LSM11: variants seen among roughly 807,000 people sequenced by gnomAD.
The protein encoded by LSM11 is U7 snRNA-associated Sm-like protein LSm11.
In LSM11, 14 loss-of-function variants were observed where a neutral mutation model predicts 28.1. The ratio of observed to expected loss-of-function variants is 0.50; its 90% CI spans 0.33 to 0.78. The LOEUF (loss-of-function observed/expected upper bound fraction) is 0.78. Ranked by LOEUF, LSM11 falls within the 30% of genes least tolerant of loss-of-function variation. LSM11 has a pLI of 0.02. For synonymous variants in LSM11, 207 were observed against 214.2 expected (o/e 0.97, Z 0.30); for missense variants, 495 against 510.6 (o/e 0.97, Z 0.30).
In LSM11 at chr5:157,755,015, C is replaced by A. The variant is rs755821817; in HGVS notation, c.834C>A (p.Ser278=). 6.2e-7 allele frequency: 1 copy of A among 1,614,094 alleles called. No individual in the cohort carries two copies. The highest frequency in any genetic ancestry group is 2.2e-5 in the East Asian group (1 of 44,872). ...ADTGRGSHKR[S]RSVPSSLQAS... is the part of the protein sequence containing the mutation. The stretch of plus-strand genomic sequence containing the variant: ...CTGGCCGGGGCTCACACAAGCGTTC[C>A]CGCTCTGTCCCTTCTTCCCTGCAGG... The change falls in exon 4 of 4, where the codon TCC becomes TCA. Residue 278 remains serine, a synonymous_variant. Coordinates refer to ENST00000286307, the MANE Select transcript of LSM11 (RefSeq NM_173491.4).
intron 2 of LSM11, among the ~76,000 whole-genome samples, 184 bp from the exon 3 acceptor site, chr5:157,753,820 T>G (rs1202791452): frequency 6.6e-6 from 1 of 152,196 alleles, no homozygotes; most frequent in Non-Finnish European, 1.5e-5. Flanking sequence ...GATAGCAGCT[T>G]AAAAATATTA....
In LSM11 at chr5:157,757,978, C is replaced by T. The variant is rs763310176; in HGVS notation, c.*2714C>T. The T allele has an allele frequency of 6.6e-6, 1 of 152,084 alleles. No individual in the cohort carries two copies. The highest frequency in any genetic ancestry group is 6.6e-5 in the Admixed American group (1 of 15,254). The allele number at this position is 152,084 out of a possible 1,614,324, so 9.4% of individuals were successfully genotyped here. A position where few individuals can be genotyped will look rare whatever the true frequency, so the allele number is the denominator to read the frequency against. On this transcript the variant is annotated 3_prime_UTR_variant, in exon 4 of 4. Transcript: ENST00000286307. ...AACTGTGTATGATCTATTTTATGTG[C>T]TCTATGTTCCCATTTGTTTGTTTGG...
intron 1 of LSM11, 82 bp downstream of exon 1, chr5:157,744,280 G>A (rs1337790147): frequency 1.8e-6 from 2 of 1,090,158 alleles, no homozygotes; most frequent in East Asian, 6.6e-5. Flanking sequence ...GGGCGGCGGT[G>A]GCCGGGCGCG....
intron 1 of LSM11, among the ~76,000 whole-genome samples, chr5:157,749,398 A>T (rs186967091): frequency 1.5e-4 from 23 of 152,358 alleles, no homozygotes; most frequent in African/African-American, 5.3e-4. Flanking sequence ...AGTTATTGGG[A>T]CTTAGTCCTG....
rs1396197549 is a variant in LSM11 at position 157,754,926 on chromosome 5, A to T, written c.745A>T (p.Thr249Ser). 6.2e-7 allele frequency: 1 copy of T among 1,614,166 alleles called. No individual in the cohort carries two copies. Among genetic ancestry groups the T allele is most frequent in the Non-Finnish European group, 8.5e-7 (1 of 1,180,024 alleles). ...TTCTAAGTCTGCAGTTGAAGATTCCACTCTGTCTAGATACTCACAGACATC... is the reference window on the plus strand; with the variant it reads ...TTCTAAGTCTGCAGTTGAAGATTCCTCTCTGTCTAGATACTCACAGACATC... ...ADSKSAVEDS[T>S]LSRYSQTSTW... The change falls in exon 4 of 4, where the codon ACT (threonine) becomes TCT (serine). Residue 249 changes from threonine (T) to serine (S), a missense_variant. By Grantham distance (58) the Thr-to-Ser change is moderately conservative. Transcript: ENST00000286307.
chr5:157,753,509 TG>T (rs1339213950), intron 2 of LSM11, among the ~76,000 whole-genome samples: 3 of 152,200 alleles, frequency 2.0e-5, no homozygotes, highest in African/African-American at 7.2e-5. Context: ...TGTGTAACCC[TG>T]GTTAATCTCT....
rs756907890 is a variant in LSM11, at chr5:157,743,730, C to G, written c.-21C>G. 84 of 1,329,292 alleles carry G rather than the reference C, an allele frequency of 6.3e-5. 1 individual carries two copies. The highest frequency in any genetic ancestry group is 7.9e-5 in the Non-Finnish European group (82 of 1,039,212). The allele number at this position is 1,329,292 out of a possible 1,614,324, so 82.3% of individuals were successfully genotyped here. ...CTTCGTTCCTTCTTCCCATCGGCCT[C>G]GGCTTGCGGGCCTTTCAAACATGGA... On this transcript the variant is annotated 5_prime_UTR_variant, in exon 1 of 4. Coordinates refer to ENST00000286307, the MANE Select transcript of LSM11 (RefSeq NM_173491.4).
At chr5:157,745,097 G>A (rs773654567) in intron 1 of LSM11, among the ~76,000 whole-genome samples, 3 of 152,232 alleles carry the variant, frequency 2.0e-5, no homozygotes, top group Non-Finnish European at 2.9e-5. Flanking sequence ...AGGCTCTAAT[G>A]TGTGAGTTAG....
chr5:157,760,046 A>G lies in LSM11; in HGVS notation c.*4782A>G, dbSNP rs887559343. 3 of 152,226 alleles carry G rather than the reference A, an allele frequency of 2.0e-5. No individual in the cohort carries two copies. The highest frequency in any genetic ancestry group is 4.4e-5 in the Non-Finnish European group (3 of 68,026). The allele number at this position is 152,226 out of a possible 1,614,324, so 9.4% of individuals were successfully genotyped here. A position where few individuals can be genotyped will look rare whatever the true frequency, so the allele number is the denominator to read the frequency against. On this transcript the variant is annotated 3_prime_UTR_variant, in exon 4 of 4. Transcript: ENST00000286307. Reference sequence around the variant, plus strand: ...GAGACCTTCAGTTAGTCTTTTATTTATTTAGAATAAAAAATAGTTTGATAA... The same window carrying G: ...GAGACCTTCAGTTAGTCTTTTATTTGTTTAGAATAAAAAATAGTTTGATAA...
rs1300128273 is a variant in LSM11 at position 157,759,249 on chromosome 5, T to C, written c.*3985T>C. The C allele has an allele frequency of 2.0e-5, 3 of 152,150 alleles. No individual in the cohort carries two copies. The highest frequency in any genetic ancestry group is 4.4e-5 in the Non-Finnish European group (3 of 68,036). 9.4% of individuals were successfully genotyped at this position (152,150 alleles called of 1,614,324 possible). A position where few individuals can be genotyped will look rare whatever the true frequency, so the allele number is the denominator to read the frequency against. ...AAGAGTCCAGGAGCTCCTTTAGAGA[T>C]TGTCAAGTCCTGAGCGATGAGCTGC... On this transcript the variant is annotated 3_prime_UTR_variant, in exon 4 of 4. Coordinates refer to ENST00000286307, the MANE Select transcript of LSM11 (RefSeq NM_173491.4).
intron 3 of LSM11, among the ~76,000 whole-genome samples, chr5:157,754,381 T>C (rs1761289217): frequency 6.6e-6 from 1 of 152,194 alleles, no homozygotes; most frequent in Non-Finnish European, 1.5e-5. Context: ...ATATGTATTA[T>C]GTGCATTATA....
chr5:157,751,447 T>G lies in LSM11; in HGVS notation c.506T>G (p.Val169Gly). 2 of 1,612,506 alleles carry G rather than the reference T, an allele frequency of 1.2e-6. No homozygotes were observed. The highest frequency in any genetic ancestry group is 1.7e-6 in the Non-Finnish European group (2 of 1,179,492). The change falls in exon 2 of 4, where the codon GTG becomes GGG. Residue 169 changes from valine (V) to glycine (G), a missense_variant. Physicochemically the swap from Val to Gly is moderately radical, Grantham distance 109 (BLOSUM62 -3). Transcript: ENST00000286307. Reference protein sequence around the residue: ...LHRCIREGVKVNVHIRTFKGL... With the variant: ...LHRCIREGVKGNVHIRTFKGL... ...CGCTGTATCCGTGAGGGGGTGAAGG[T>G]GAATGTTCACATCCGCACTTTCAAG... is the stretch of plus-strand genomic sequence containing the variant.
intron 1 of LSM11, among the ~76,000 whole-genome samples, chr5:157,749,606 A>ACACC (rs1554095384): frequency 2.0e-5 from 3 of 151,806 alleles, no homozygotes; most frequent in Admixed American, 6.6e-5. Context: ...ACACACACAC[A>ACACC]CCCACACACC....
Position 157,743,780 on chromosome 5 carries a change from G to T in LSM11, c.30G>T (p.Ser10=), listed in dbSNP as rs1198522938. The T allele has an allele frequency of 1.4e-6, 2 of 1,423,336 alleles. No homozygotes were observed. 88.2% of individuals were successfully genotyped at this position (1,423,336 alleles called of 1,614,324 possible). MEERERGAR[S]AGAGSPARPP... ...AGGAGCGGGAGCGGGGGGCGAGGTC[G>T]GCTGGCGCCGGGAGCCCCGCGCGCC... The change falls in exon 1 of 4, where the codon TCG becomes TCT. Residue 10 remains serine, a synonymous_variant. Coordinates refer to ENST00000286307, the MANE Select transcript of LSM11 (RefSeq NM_173491.4).
chr5:157,745,882 G>A (rs1761139200), intron 1 of LSM11, among the ~76,000 whole-genome samples: 1 of 152,196 alleles, frequency 6.6e-6, no homozygotes, highest in African/African-American at 2.4e-5. Flanking sequence ...AAACATGGGT[G>A]AGGATTGGAT....
rs921645695 is a variant in LSM11, at chr5:157,757,742, G to A, written c.*2478G>A. The stretch of plus-strand genomic sequence containing the variant: ...TGCCTGCCCTCTCATCCCTCGGCTA[G>A]AATGATGTACTCTACTTTCCCAATA... On this transcript the variant is annotated 3_prime_UTR_variant, in exon 4 of 4. Transcript: ENST00000286307. 1 of 152,210 alleles carries A rather than the reference G, an allele frequency of 6.6e-6. No homozygotes were observed. The highest frequency in any genetic ancestry group is 1.5e-5 in the Non-Finnish European group (1 of 68,048). 9.4% of individuals were successfully genotyped at this position (152,210 alleles called of 1,614,324 possible).
intron 1 of LSM11, among the ~76,000 whole-genome samples, chr5:157,746,102 G>A (rs979906717): frequency 1.3e-4 from 19 of 151,912 alleles, no homozygotes; most frequent in Non-Finnish European, 2.5e-4. Flanking sequence ...AAAAGAACTA[G>A]GTATGTTTTA....
chr5:157,756,282 A>T lies in LSM11; in HGVS notation c.*1018A>T, dbSNP rs1425971022. The T allele has an allele frequency of 6.6e-6, 1 of 152,664 alleles. No homozygotes were observed. The highest frequency in any genetic ancestry group is 1.9e-4 in the East Asian group (1 of 5,202). The allele number at this position is 152,664 out of a possible 1,614,324, so 9.5% of individuals were successfully genotyped here. A position where few individuals can be genotyped will look rare whatever the true frequency, so the allele number is the denominator to read the frequency against. On this transcript the variant is annotated 3_prime_UTR_variant, in exon 4 of 4. Coordinates refer to ENST00000286307, the MANE Select transcript of LSM11 (RefSeq NM_173491.4). The stretch of plus-strand genomic sequence containing the variant: ...GTGTCAGGCCAAAGAAGTTCTTACA[A>T]AGTACAGTGGGTAGTGTCTAAAGCG...
At chr5:157,754,686 C>T (rs1463901381) in intron 3 of LSM11, among the ~76,000 whole-genome samples, 168 bp from the exon 4 acceptor site, 11 of 106,766 alleles carry the variant, frequency 1.0e-4, no homozygotes, top group Admixed American at 3.7e-4. Flanking sequence ...AGTGAGACTC[C>T]GTCTCCAAAA....
Sources: allele counts gnomAD v4.1 joint callset (sites outside exome capture counted in the v4.1 genomes callset), GRCh38; gene constraint gnomAD v4.1.1; transcripts MANE v1.5; gene names NCBI Gene and HGNC (gene_info 2026-07-23, HGNC 2026-07-21).